The following ZBTB20 variants were observed in gnomAD, a reference collection of about 807,000 sequenced individuals.
ZBTB20 encodes the protein zinc finger and BTB domain-containing protein 20.
Under a neutral mutation model 56.9 loss-of-function variants are expected in ZBTB20, and 9 were observed. The observed-to-expected ratio is 0.16, with a 90% CI of 0.10 to 0.28. The LOEUF (loss-of-function observed/expected upper bound fraction) is 0.28, where lower values mean the gene tolerates loss of function less well. Ranked by LOEUF, ZBTB20 falls within the 10% of genes least tolerant of loss-of-function variation. The pLI is 1.00. For missense variants in ZBTB20, 655 were observed against 1,003.0 expected (o/e 0.65, Z 4.69); for synonymous variants, 417 against 420.7 (o/e 0.99, Z 0.11).
chr3:114,685,975 A>G (rs1478202671), intron 6 of ZBTB20, among the ~76,000 whole-genome samples: 1 of 152,182 alleles, frequency 6.6e-6, no homozygotes, highest in Non-Finnish European at 1.5e-5. Flanking sequence ...TCAAATCTTT[A>G]TAGAACATTC....
intron 2 of ZBTB20, among the ~76,000 whole-genome samples, chr3:115,069,320 G>C (rs150397094): frequency 1.1e-4 from 17 of 152,148 alleles, no homozygotes; most frequent in Non-Finnish European, 2.4e-4. Context: ...TGTTTCCTCT[G>C]TTTTCAATCG....
chr3:114,537,953 A>AG (rs1251140301), intron 6 of ZBTB20, among the ~76,000 whole-genome samples: 3 of 151,900 alleles, frequency 2.0e-5, no homozygotes, highest in African/African-American at 7.3e-5. Context: ...GGACATAGGG[A>AG]GGGGAATGTC....
intron 1 of ZBTB20, among the ~76,000 whole-genome samples, chr3:115,115,707 ATT>A (rs2083998513): frequency 6.6e-6 from 1 of 151,974 alleles, no homozygotes; most frequent in African/African-American, 2.4e-5. Flanking sequence ...GTATTTTAAT[ATT>A]GTTTTTTAAA....
chr3:114,345,572 A>G (rs754518083), intron 11 of ZBTB20, among the ~76,000 whole-genome samples: 1 of 152,250 alleles, frequency 6.6e-6, no homozygotes, highest in South Asian at 2.1e-4. Flanking sequence ...AACAAAAGCA[A>G]CCTGATGCCA....
intron 6 of ZBTB20, among the ~76,000 whole-genome samples, chr3:114,567,066 A>C (rs903744740): frequency 6.6e-6 from 1 of 151,948 alleles, no homozygotes; most frequent in Non-Finnish European, 1.5e-5. Context: ...CTGATGTGTG[A>C]TGGCTGCACA....
chr3:114,879,054 T>C (rs560675978), intron 4 of ZBTB20, among the ~76,000 whole-genome samples: 1 of 152,300 alleles, frequency 6.6e-6, no homozygotes, highest in South Asian at 2.1e-4. Context: ...TGCATTTCCT[T>C]GGACATATAT....
intron 6 of ZBTB20, chr3:114,518,513 C>G (rs949282980): frequency 6.6e-6 from 1 of 152,144 alleles, no homozygotes; most frequent in African/African-American, 2.4e-5. Flanking sequence ...TCTTGGCCCT[C>G]AGTTGGCTTG....
intron 1 of ZBTB20, among the ~76,000 whole-genome samples, chr3:115,097,466 A>G (rs2083423820): frequency 6.6e-6 from 1 of 152,036 alleles, no homozygotes; most frequent in Non-Finnish European, 1.5e-5. Context: ...TTTTTAAAAA[A>G]AATCTACTGT....
chr3:114,409,701 T>G (rs1386542803), intron 7 of ZBTB20, among the ~76,000 whole-genome samples: 1 of 152,168 alleles, frequency 6.6e-6, no homozygotes, highest in Non-Finnish European at 1.5e-5. Flanking sequence ...AAAGCTATGT[T>G]TTTTAAAAAA....
At chr3:114,550,748 G>C (rs2050470041) in intron 6 of ZBTB20, among the ~76,000 whole-genome samples, 1 of 152,040 alleles carries the variant, frequency 6.6e-6, no homozygotes, top group Non-Finnish European at 1.5e-5. Context: ...CAGATCCCAA[G>C]ATATAGTTTG....
rs867268656 is a variant in ZBTB20, at chr3:114,517,275, C to T, written c.-294-16884G>A. On this transcript the variant is annotated intron_variant, in intron 6 of 11. Transcript: ENST00000675478. ...ATTATTGGCAGATCAAGTTCTCCAC[C>T]TTGTATAGTTTAAATTCCAGTAGAG... Among the ~76,000 whole-genome samples the T allele has an allele frequency of 5.3e-5, 8 of 152,282 alleles. No individual in the cohort carries two copies. In the South Asian group the frequency reaches 8.3e-4, roughly 16 times the overall value.
chr3:114,580,768 T>C (rs2054564462), intron 6 of ZBTB20, among the ~76,000 whole-genome samples: 1 of 151,846 alleles, frequency 6.6e-6, no homozygotes, highest in Non-Finnish European at 1.5e-5. Flanking sequence ...AAATTTATGA[T>C]GGAAATTTTA....
intron 6 of ZBTB20, among the ~76,000 whole-genome samples, chr3:114,559,947 G>C (rs2051791369): frequency 6.6e-6 from 1 of 152,116 alleles, no homozygotes; most frequent in South Asian, 2.1e-4. Context: ...TTGTAGCTGT[G>C]AAGATTAGAT....
intron 7 of ZBTB20, among the ~76,000 whole-genome samples, chr3:114,454,070 G>A (rs2091821786): frequency 6.6e-6 from 1 of 150,820 alleles, no homozygotes; most frequent in Non-Finnish European, 1.5e-5. Flanking sequence ...CCCGCTGTCT[G>A]GTTAGAAGAG....
chr3:114,940,643 GTAAT>G (rs2076693964), intron 3 of ZBTB20, among the ~76,000 whole-genome samples: 1 of 146,256 alleles, frequency 6.8e-6, no homozygotes, highest in South Asian at 2.1e-4. Context: ...TGATCTGTAA[GTAAT>G]TAATTTAATG....
chr3:115,132,756 T>C (rs1028748459), intron 1 of ZBTB20, among the ~76,000 whole-genome samples: 4 of 151,918 alleles, frequency 2.6e-5, no homozygotes, highest in Non-Finnish European at 5.9e-5. Flanking sequence ...CAAAGTGAGA[T>C]CCTGTCTCAA....
chr3:114,675,106 T>A (rs2061557326), intron 6 of ZBTB20, among the ~76,000 whole-genome samples: 2 of 149,388 alleles, frequency 1.3e-5, no homozygotes, highest in Admixed American at 6.7e-5. Context: ...ATATTTTTAA[T>A]TTTTAATTTT....
At chr3:115,054,153 A>C (rs1430992809) in intron 2 of ZBTB20, among the ~76,000 whole-genome samples, 1 of 152,046 alleles carries the variant, frequency 6.6e-6, no homozygotes, top group East Asian at 1.9e-4. Flanking sequence ...GACTAAACTT[A>C]TGAAGAAACA....
At chr3:114,376,985 C>T (rs980911609) in intron 10 of ZBTB20, among the ~76,000 whole-genome samples, 6 of 152,190 alleles carry the variant, frequency 3.9e-5, no homozygotes, top group African/African-American at 1.4e-4. Context: ...ATGTATATGA[C>T]TGTGATGTGC....
Sources: gnomAD v4.1 joint callset for allele counts (sites outside exome capture counted in the v4.1 genomes callset) on GRCh38, gnomAD v4.1.1 for gene constraint, MANE v1.5 for transcripts, NCBI Gene and HGNC (gene_info 2026-07-23, HGNC 2026-07-21) for gene names.